Variants in GOT2 observed in about 807,000 individuals in gnomAD.
GOT2 encodes glutamic-oxaloacetic transaminase 2.
A neutral mutation model predicts 50.0 loss-of-function variants in GOT2; 17 were observed. The observed-to-expected ratio is 0.34, with a 90% CI of 0.23 to 0.51. GOT2 has a LOEUF of 0.51. Among genes scored for constraint, GOT2 ranks in the 20% least tolerant of loss-of-function variants. GOT2 has a pLI of 0.97. For missense variants in GOT2, 430 were observed against 559.6 expected, an observed-to-expected ratio of 0.77 and a Z score of 2.34; for synonymous variants, 172 against 204.9, an observed-to-expected ratio of 0.84 and a Z score of 1.37.
intron 8 of GOT2, among the ~76,000 whole-genome samples, chr16:58,714,501 G>A (rs1157308403): frequency 1.3e-5 from 2 of 150,216 alleles, no homozygotes; most frequent in Non-Finnish European, 3.0e-5. Context: ...GCAGTGAGCC[G>A]AGATCCCGCC....
In GOT2 at chr16:58,729,088, T is replaced by C. The variant is rs866591159; in HGVS notation, c.89+5052A>G. ...TCACTAGTGTTGGTGCCAGTTCTTT[T>C]AATAGCTTGCCTCTCATTTTGTGTT... On this transcript the variant is annotated intron_variant, in intron 1 of 9. Coordinates refer to ENST00000245206, the MANE Select transcript of GOT2 (RefSeq NM_002080.4). 2.4e-4 allele frequency among the ~76,000 whole-genome samples: 37 copies of C among 152,126 alleles called. 1 individual carries two copies. In the Middle Eastern group the frequency reaches 0.017, roughly 70 times the overall value.
At chr16:58,720,127 A>G (rs146743504) in intron 3 of GOT2, among the ~76,000 whole-genome samples, 2,550 of 152,312 alleles carry the variant, frequency 0.017, 65 homozygotes, top group African/African-American at 0.053. Flanking sequence ...GCTTGAACCC[A>G]GGAGGCGGAG....
Position 58,722,222 on chromosome 16 carries a change from T to TC in GOT2, c.302dup (p.Leu102ThrfsTer3). 1 of 1,612,936 alleles carries TC rather than the reference T, an allele frequency of 6.2e-7. No homozygotes were observed. The highest frequency in any genetic ancestry group is 8.5e-7 in the Non-Finnish European group (1 of 1,179,952). On this transcript the variant is annotated frameshift_variant, in exon 3 of 10. Transcript: ENST00000245206. LOFTEE classifies it high-confidence loss of function. ...CAGATGCCTTGCAAAATTCAGCCAGTCCCCCAATGGGCAGGTATTCCTTGT... is the reference window on the plus strand; with the variant it reads ...CAGATGCCTTGCAAAATTCAGCCAGTCCCCCCAATGGGCAGGTATTCCTTGT...
At chr16:58,725,761 C>G (rs900921487) in intron 1 of GOT2, among the ~76,000 whole-genome samples, 1 of 152,178 alleles carries the variant, frequency 6.6e-6, no homozygotes, top group Non-Finnish European at 1.5e-5. Context: ...ACCCTCTCTT[C>G]TTAATTTTCT....
At chr16:58,729,284 A>T (rs1245015522) in intron 1 of GOT2, among the ~76,000 whole-genome samples, 1 of 148,996 alleles carries the variant, frequency 6.7e-6, no homozygotes, top group East Asian at 2.0e-4. Context: ...ACTGTCATTA[A>T]CTGCCGAGTG....
At chr16:58,717,727 G>A (rs574790638) in intron 6 of GOT2, among the ~76,000 whole-genome samples, 1 of 152,270 alleles carries the variant, frequency 6.6e-6, no homozygotes, top group African/African-American at 2.4e-5. Context: ...TTTTGCTCTT[G>A]TTGCCCAGGC....
At chr16:58,732,726 C>T (rs1237115064) in intron 1 of GOT2, among the ~76,000 whole-genome samples, 1 of 152,224 alleles carries the variant, frequency 6.6e-6, no homozygotes, top group African/African-American at 2.4e-5. Context: ...GGGATTTTCA[C>T]CAAGCACTAG....
At chr16:58,732,545 T>C (rs1033480507) in intron 1 of GOT2, among the ~76,000 whole-genome samples, 1 of 152,116 alleles carries the variant, frequency 6.6e-6, no homozygotes, top group African/African-American at 2.4e-5. Flanking sequence ...AAAATAAAAA[T>C]ATCCAATATA....
chr16:58,713,057 C>T (rs891834541), intron 8 of GOT2, among the ~76,000 whole-genome samples: 12 of 152,142 alleles, frequency 7.9e-5, no homozygotes, highest in African/African-American at 2.7e-4. Context: ...CAAGATTGTG[C>T]CATTGCACTC....
intron 1 of GOT2, among the ~76,000 whole-genome samples, chr16:58,724,842 A>G (rs925013924): frequency 1.3e-5 from 2 of 151,966 alleles, no homozygotes; most frequent in Non-Finnish European, 2.9e-5. Context: ...TGCCTGGTCC[A>G]TACATTATTA....
At chr16:58,708,535 C>G (rs531633307) in intron 9 of GOT2, among the ~76,000 whole-genome samples, 13 of 151,908 alleles carry the variant, frequency 8.6e-5, no homozygotes, top group Non-Finnish European at 1.8e-4. Context: ...AACCTGGAAC[C>G]TGGAACCTGG....
intron 3 of GOT2, among the ~76,000 whole-genome samples, chr16:58,721,206 GA>G (rs927227443): frequency 6.6e-6 from 1 of 152,130 alleles, no homozygotes; most frequent in Non-Finnish European, 1.5e-5. Context: ...GGGAAGGGCA[GA>G]AAAAATGTTG....
intron 7 of GOT2, 59 bp from the exon 8 acceptor site, chr16:58,716,238 T>C: frequency 6.7e-7 from 1 of 1,486,594 alleles, no homozygotes; most frequent in East Asian, 2.3e-5. Context: ...CTAAAGCAAA[T>C]CATGAGTGTA....
chr16:58,709,091 G>A (rs1013559269), intron 9 of GOT2: 2 of 184,578 alleles, frequency 1.1e-5, no homozygotes, highest in Non-Finnish European at 2.2e-5. Context: ...GCGAAACTAT[G>A]TCTCCACAAA....
rs555104294 is a variant in GOT2 at position 58,719,252 on chromosome 16, C to G, written c.379G>C (p.Val127Leu). The G allele has an allele frequency of 1.2e-6, 2 of 1,612,378 alleles. No homozygotes were observed. The highest frequency in any genetic ancestry group is 2.2e-5 in the South Asian group (2 of 91,064). ...NSEVLKSGRF[V>L]TVQTISGTGA... is the part of the protein sequence containing the mutation. ...GTTCCAGAAATGGTCTGCACAGTGA[C>G]AAACTGAAGGAGAGATACCCACGGT... The change falls in exon 4 of 10, where the codon GTC becomes CTC. Residue 127 changes from valine to leucine, a missense_variant. By Grantham distance (32) the Val-to-Leu change is conservative. Coordinates refer to ENST00000245206, the MANE Select transcript of GOT2 (RefSeq NM_002080.4).
intron 3 of GOT2, chr16:58,721,925 C>A: frequency 2.7e-6 from 1 of 373,586 alleles, no homozygotes; most frequent in Non-Finnish European, 5.0e-6. Context: ...GGATTACAGG[C>A]ATGTGTCACC....
chr16:58,709,417 C>T lies in GOT2; in HGVS notation c.1170G>A (p.Gln390=), dbSNP rs1021375064. Reference sequence around the variant, plus strand: ...CTGCAGAGAAATCAGAATCACTCACCTGTTCAGGCTTTAGCCCTGTGAAAC... The same window carrying T: ...CTGCAGAGAAATCAGAATCACTCACTTGTTCAGGCTTTAGCCCTGTGAAAC... The part of the protein sequence containing the change: ...MFCFTGLKPE[Q]VERLIKEFSI... The change falls in exon 9 of 10, where the codon CAG becomes CAA. Residue 390 remains glutamine, a splice_region_variant and synonymous_variant. Transcript: ENST00000245206. 2 of 1,593,576 alleles carry T rather than the reference C, an allele frequency of 1.3e-6. No homozygotes were observed. The highest frequency in any genetic ancestry group is 2.7e-5 in the African/African-American group (2 of 74,646).
intron 8 of GOT2, among the ~76,000 whole-genome samples, chr16:58,712,137 C>T (rs1277927177): frequency 6.6e-6 from 1 of 152,100 alleles, no homozygotes; most frequent in Non-Finnish European, 1.5e-5. Flanking sequence ...TGCCGCAGTC[C>T]TCATTACATC....
chr16:58,712,447 G>T (rs913779660), intron 8 of GOT2, among the ~76,000 whole-genome samples: 2 of 152,168 alleles, frequency 1.3e-5, no homozygotes, highest in Non-Finnish European at 2.9e-5. Context: ...GGAGGCGGAG[G>T]TTGCAGTGAG....
Sources: allele counts gnomAD v4.1 joint callset (sites outside exome capture counted in the v4.1 genomes callset), GRCh38; gene constraint gnomAD v4.1.1; transcripts MANE v1.5; gene names NCBI Gene and HGNC (gene_info 2026-07-23, HGNC 2026-07-21).